Variants in CFI observed in about 807,000 individuals in gnomAD.
CFI encodes complement factor I.
A neutral mutation model predicts 78.8 loss-of-function variants in CFI; 66 were observed. The ratio of observed to expected loss-of-function variants is 0.84; its 90% confidence interval spans 0.69 to 1.03. The LOEUF (loss-of-function observed/expected upper bound fraction) is 1.03, where lower values mean the gene tolerates loss of function less well. Among genes scored for constraint, CFI ranks in the 50% least tolerant of loss-of-function variants. CFI has a pLI of 0.00. For missense variants in CFI, 706 were observed against 704.5 expected (o/e 1.00, Z -0.02); for synonymous variants, 250 against 232.6 (o/e 1.07, Z -0.68).
At chr4:109,739,503 G>A (rs1264183305), downstream of CFI, among the ~76,000 whole-genome samples, 2 of 152,154 alleles carry the variant, frequency 1.3e-5, no homozygotes, top group African/African-American at 4.8e-5. Flanking sequence ...GTGTGACAGA[G>A]GGAGACTGGG....
rs1018417138 is a variant in CFI at position 109,776,920 on chromosome 4, G to A, written c.58-10096C>T. 9.2e-4 allele frequency among the ~76,000 whole-genome samples: 140 copies of A among 152,314 alleles called. 1 individual carries two copies. Among genetic ancestry groups the A allele is most frequent in the African/African-American group, 3.2e-3 (134 of 41,564 alleles). On this transcript the variant is annotated intron_variant, in intron 1 of 12. Transcript: ENST00000394634. ...TAAAATCCTTTACAGACAAACAAAT[G>A]CTGAGAGATTTTGTCACCATCAGGC...
At chr4:109,768,138 G>C (rs1205415635) in intron 1 of CFI, among the ~76,000 whole-genome samples, 1 of 120,134 alleles carries the variant, frequency 8.3e-6, no homozygotes, top group Admixed American at 9.4e-5. Context: ...GTTGTGGGGT[G>C]GGGGGAGGGG....
At chr4:109,779,120 A>T (rs1729660511) in intron 1 of CFI, among the ~76,000 whole-genome samples, 1 of 152,172 alleles carries the variant, frequency 6.6e-6, no homozygotes, top group Non-Finnish European at 1.5e-5. Flanking sequence ...ATAGTGTTGG[A>T]AGTTCTGAAC....
intron 1 of CFI, among the ~76,000 whole-genome samples, chr4:109,781,259 A>G (rs961994701): frequency 4.6e-5 from 7 of 152,168 alleles, no homozygotes; most frequent in Non-Finnish European, 1.0e-4. Context: ...TTGATAGACC[A>G]TTAGCAAGAT....
intron 1 of CFI, among the ~76,000 whole-genome samples, chr4:109,795,620 G>T (rs1389289427): frequency 6.6e-6 from 1 of 152,044 alleles, no homozygotes; most frequent in Non-Finnish European, 1.5e-5. Context: ...AAAATTAGGG[G>T]AAAATAATTC....
chr4:109,800,863 C>G (rs1487900402), intron 1 of CFI, among the ~76,000 whole-genome samples: 3 of 151,982 alleles, frequency 2.0e-5, no homozygotes, highest in South Asian at 2.1e-4. Context: ...ATTTCAATGG[C>G]TATGTAATAG....
chr4:109,787,302 C>T (rs1283232154), intron 1 of CFI, among the ~76,000 whole-genome samples: 1 of 152,084 alleles, frequency 6.6e-6, no homozygotes, highest in African/African-American at 2.4e-5. Context: ...AGTTAACAAC[C>T]ACATCAGAAA....
At chr4:109,796,430 G>A (rs979655257) in intron 1 of CFI, among the ~76,000 whole-genome samples, 1 of 152,162 alleles carries the variant, frequency 6.6e-6, no homozygotes, top group Non-Finnish European at 1.5e-5. Flanking sequence ...CACTAAAGCT[G>A]CAGGATACAA....
chr4:109,800,321 GTTTTTTTT>G (rs554145445), intron 1 of CFI, among the ~76,000 whole-genome samples: 1 of 48,774 alleles, frequency 2.1e-5, no homozygotes, highest in African/African-American at 7.8e-5. Flanking sequence ...TGGCTTCTCT[GTTTTTTTT>G]TTTTTTTTTT....
the CFI span, among the ~76,000 whole-genome samples, chr4:109,734,033 A>G: frequency 4.1e-3 from 622 of 152,270 alleles, 3 homozygotes; most frequent in Middle Eastern, 0.014. Flanking sequence ...TTAGCCAGGC[A>G]TGGTGGTACA....
chr4:109,765,971 A>G (rs938295716), intron 2 of CFI, among the ~76,000 whole-genome samples: 2 of 152,068 alleles, frequency 1.3e-5, no homozygotes, highest in African/African-American at 4.8e-5. Context: ...ACAAAAAATT[A>G]GCTGGGCATG....
chr4:109,783,812 G>GATTGATATATAT (rs1730370924), intron 1 of CFI, among the ~76,000 whole-genome samples: 1 of 113,002 alleles, frequency 8.8e-6, no homozygotes, highest in Admixed American at 1.0e-4. Flanking sequence ...AAGAAACTGT[G>GATTGATATATAT]ATATATATAT....
At chr4:109,782,890 T>C (rs1579289176) in intron 1 of CFI, among the ~76,000 whole-genome samples, 1 of 152,126 alleles carries the variant, frequency 6.6e-6, no homozygotes, top group East Asian at 1.9e-4. Flanking sequence ...TACAGCCAAC[T>C]GATCTTCGAC....
intron 1 of CFI, among the ~76,000 whole-genome samples, chr4:109,789,470 T>C (rs900110712): frequency 1.3e-5 from 2 of 152,004 alleles, no homozygotes; most frequent in Non-Finnish European, 2.9e-5. Flanking sequence ...CGAAGATAAG[T>C]ATGACATTTC....
chr4:109,754,171 A>G (rs1725816538), intron 7 of CFI, among the ~76,000 whole-genome samples: 1 of 151,098 alleles, frequency 6.6e-6, no homozygotes, highest in South Asian at 2.1e-4. Flanking sequence ...TTTAGTAGAA[A>G]CAGGGTTTTA....
At chr4:109,791,090 C>G (rs2125863623) in intron 1 of CFI, among the ~76,000 whole-genome samples, 1 of 152,250 alleles carries the variant, frequency 6.6e-6, no homozygotes, top group Non-Finnish European at 1.5e-5. Context: ...TCCTTTTTCT[C>G]CACAACCTCG....
intron 1 of CFI, among the ~76,000 whole-genome samples, chr4:109,781,904 A>G (rs6821213): frequency 0.034 from 5,115 of 152,230 alleles, 266 homozygotes; most frequent in African/African-American, 0.11. Context: ...ATGAAAAACC[A>G]AAGTCACATG....
At position 109,782,723 on chromosome 4, in the gene CFI, C is replaced by G. The variant is rs1037070109; in HGVS notation, c.58-15899G>C. Reference sequence around the variant, plus strand: ...AAAAAAAGAGCCCACATAGCCAAAGCAAGACTAAGCAAAAAGAGCAAATCT... The same window carrying G: ...AAAAAAAGAGCCCACATAGCCAAAGGAAGACTAAGCAAAAAGAGCAAATCT... On this transcript the variant is annotated intron_variant, in intron 1 of 12. Transcript: ENST00000394634. Among the ~76,000 whole-genome samples the G allele has an allele frequency of 2.0e-5, 3 of 151,978 alleles. No homozygotes were observed. In the East Asian group the frequency reaches 5.8e-4, roughly 29 times the overall value.
At chr4:109,737,039 CT>C (rs1723412005), downstream of CFI, among the ~76,000 whole-genome samples, 1 of 152,190 alleles carries the variant, frequency 6.6e-6, no homozygotes, top group African/African-American at 2.4e-5. Context: ...CTCAACATAT[CT>C]AGAGTCAGTG....
Sources: allele counts gnomAD v4.1 joint callset (sites outside exome capture counted in the v4.1 genomes callset), GRCh38; gene constraint gnomAD v4.1.1; transcripts MANE v1.5; gene names NCBI Gene and HGNC (gene_info 2026-07-23, HGNC 2026-07-21).